Variants in CTNNA2 observed in about 807,000 individuals in gnomAD.
CTNNA2 encodes the protein catenin alpha 2, also known as catenin alpha-2.
CTNNA2 carries 42 observed loss-of-function variants against 101.0 expected under a neutral mutation model. The ratio of observed to expected loss-of-function variants is 0.42; its 90% CI spans 0.32 to 0.54. The LOEUF is 0.54. Ranked by LOEUF, CTNNA2 falls within the 20% of genes least tolerant of loss-of-function variation. CTNNA2 has a pLI of 0.14. For synonymous variants in CTNNA2, 450 were observed against 456.4 expected (o/e 0.99, Z 0.18); for missense variants, 871 against 1,223.1 (o/e 0.71, Z 4.29).
At chr2:79,259,873 A>G (rs543174591) in intron 2 of CTNNA2, among the ~76,000 whole-genome samples, 2 of 152,326 alleles carry the variant, frequency 1.3e-5, no homozygotes, top group African/African-American at 2.4e-5. Flanking sequence ...ATGCAGATAG[A>G]TAAGAGACAA....
At chr2:79,326,454 A>G (rs1676749465) in intron 3 of CTNNA2, among the ~76,000 whole-genome samples, 1 of 152,202 alleles carries the variant, frequency 6.6e-6, no homozygotes, top group Non-Finnish European at 1.5e-5. Flanking sequence ...TCCACTCTTT[A>G]TACAACCTAG....
chr2:79,249,001 C>T (rs1030755730), intron 2 of CTNNA2, among the ~76,000 whole-genome samples: 1 of 152,156 alleles, frequency 6.6e-6, no homozygotes, highest in African/African-American at 2.4e-5. Flanking sequence ...ACTCTCTGCT[C>T]TAATGTGGAC....
chr2:79,618,885 A>G (rs1201607743), intron 1 of CTNNA2, among the ~76,000 whole-genome samples: 1 of 152,150 alleles, frequency 6.6e-6, no homozygotes, highest in Non-Finnish European at 1.5e-5. Flanking sequence ...TATGCACATA[A>G]ATATATGGGT....
At chr2:80,526,571 G>A (rs1404607584) in intron 9 of CTNNA2, among the ~76,000 whole-genome samples, 1 of 152,096 alleles carries the variant, frequency 6.6e-6, no homozygotes, top group Non-Finnish European at 1.5e-5. Flanking sequence ...GACCTCAGGT[G>A]ATCCGCCCAC....
intron 7 of CTNNA2, among the ~76,000 whole-genome samples, chr2:80,315,622 GCAAA>G (rs1207473804): frequency 1.3e-5 from 2 of 152,172 alleles, no homozygotes; most frequent in African/African-American, 2.4e-5. Flanking sequence ...GTCCCAGTGC[GCAAA>G]CACTTTTCAA....
intron 2 of CTNNA2, among the ~76,000 whole-genome samples, chr2:79,270,582 T>C (rs1188341027): frequency 6.6e-6 from 1 of 152,070 alleles, no homozygotes; most frequent in Non-Finnish European, 1.5e-5. Flanking sequence ...CAGCCCCTAC[T>C]ACCCATTACC....
At chr2:80,003,052 C>T (rs1404293009) in intron 7 of CTNNA2, among the ~76,000 whole-genome samples, 1 of 152,124 alleles carries the variant, frequency 6.6e-6, no homozygotes, top group African/African-American at 2.4e-5. Context: ...AAAAGCCTTA[C>T]CTGGTGATTA....
chr2:79,199,803 G>T (rs1047741019), intron 2 of CTNNA2, among the ~76,000 whole-genome samples: 2 of 152,156 alleles, frequency 1.3e-5, no homozygotes, highest in African/African-American at 4.8e-5. Flanking sequence ...CTAAATTCAA[G>T]TGATCCTCCC....
intron 1 of CTNNA2, among the ~76,000 whole-genome samples, chr2:79,559,123 G>A (rs950208011): frequency 3.3e-5 from 5 of 152,038 alleles, no homozygotes; most frequent in African/African-American, 1.2e-4. Flanking sequence ...ATAGTGGAGA[G>A]GTAGAGTGTG....
At chr2:80,558,719 A>T (rs1693281264) in intron 12 of CTNNA2, among the ~76,000 whole-genome samples, 1 of 152,084 alleles carries the variant, frequency 6.6e-6, no homozygotes, top group Non-Finnish European at 1.5e-5. Context: ...TTGTAGGGTG[A>T]GAGAGGGTGG....
intron 10 of CTNNA2, 71 bp from the exon 11 acceptor site, chr2:80,545,836 G>A: frequency 6.6e-7 from 1 of 1,522,372 alleles, no homozygotes; most frequent in South Asian, 1.3e-5. Context: ...GTTTTAACAT[G>A]GTCTTTGACC....
At chr2:79,532,930 C>G (rs1672832949) in intron 1 of CTNNA2, among the ~76,000 whole-genome samples, 1 of 152,068 alleles carries the variant, frequency 6.6e-6, no homozygotes, top group South Asian at 2.1e-4. Context: ...AGCTCCCATT[C>G]CAAAAAGACA....
In CTNNA2 at chr2:79,666,838, A is replaced by C. The variant is rs118151106; in HGVS notation, c.102+15180A>C. 1.5e-3 allele frequency among the ~76,000 whole-genome samples: 235 copies of C among 152,356 alleles called. 6 individuals carry two copies. In the East Asian group the frequency reaches 0.035, roughly 23 times the overall value. On this transcript the variant is annotated intron_variant, in intron 2 of 18. Coordinates refer to ENST00000402739, the MANE Select transcript of CTNNA2 (RefSeq NM_001282597.3). Reference sequence around the variant, plus strand: ...TCACTTTAGCTTAGGTCGGTTGAGCATCTGAGCAGAGTACATCTCCAGTTC... The same window carrying C: ...TCACTTTAGCTTAGGTCGGTTGAGCCTCTGAGCAGAGTACATCTCCAGTTC...
At chr2:80,550,836 C>T (rs1327331209) in intron 11 of CTNNA2, among the ~76,000 whole-genome samples, 3 of 152,278 alleles carry the variant, frequency 2.0e-5, no homozygotes, top group East Asian at 1.9e-4. Flanking sequence ...TTTTTCCAAA[C>T]TCCTGTTAAT....
intron 2 of CTNNA2, among the ~76,000 whole-genome samples, chr2:79,726,022 A>T (rs1366470750): frequency 6.6e-6 from 1 of 152,224 alleles, no homozygotes; most frequent in Non-Finnish European, 1.5e-5. Context: ...GGATTTAGGC[A>T]CATCGGCCAT....
At chr2:79,471,242 G>A (rs446017) in intron 4 of CTNNA2, among the ~76,000 whole-genome samples, 54,872 of 151,986 alleles carry the variant, frequency 0.36, 10,183 homozygotes, top group South Asian at 0.44. Context: ...AATTTGAATT[G>A]CTGCCATTAT....
At chr2:80,162,758 T>A in intron 7 of CTNNA2, 10 of 1,600,306 alleles carry the variant, frequency 6.2e-6, no homozygotes, top group Non-Finnish European at 8.6e-6. Context: ...GATCCAGAGG[T>A]GAAGAAGCAA....
chr2:80,078,455 C>T (rs904038771), intron 7 of CTNNA2, among the ~76,000 whole-genome samples: 8 of 152,026 alleles, frequency 5.3e-5, no homozygotes, highest in African/African-American at 1.9e-4. Context: ...TGGTGACCAG[C>T]GAGGAGCAGA....
intron 2 of CTNNA2, among the ~76,000 whole-genome samples, chr2:79,308,780 T>C (rs970157601): frequency 2.2e-5 from 3 of 136,030 alleles, no homozygotes; most frequent in Non-Finnish European, 4.8e-5. Flanking sequence ...TTTCATTTTA[T>C]GGTTTTTTTT....
Sources: allele counts gnomAD v4.1 joint callset (sites outside exome capture counted in the v4.1 genomes callset), GRCh38; gene constraint gnomAD v4.1.1; transcripts MANE v1.5; gene names NCBI Gene and HGNC (gene_info 2026-07-23, HGNC 2026-07-21).